The following CFAP221 variants were observed in gnomAD, a reference collection of about 807,000 sequenced individuals.
CFAP221 encodes the protein cilia and flagella associated protein 221.
In CFAP221, 97 loss-of-function variants were observed where a neutral mutation model predicts 113.1. The observed-to-expected ratio is 0.86, with a 90% CI of 0.73 to 1.02. The LOEUF is 1.02. Among genes scored for constraint, CFAP221 ranks in the 50% least tolerant of loss-of-function variants. CFAP221 has a pLI of 0.00. For missense variants in CFAP221, 1,025 were observed against 1,013.4 expected (o/e 1.01, Z -0.16); for synonymous variants, 331 against 354.4 (o/e 0.93, Z 0.74).
At chr2:119,597,671 C>T (rs4849785) in intron 7 of CFAP221, among the ~76,000 whole-genome samples, 148,537 of 152,270 alleles carry the variant, frequency 0.98, 72,558 homozygotes, top group Non-Finnish European at 1. Context: ...AAAACGAAAG[C>T]GTACTCCACA....
intron 8 of CFAP221, chr2:119,602,574 T>A (rs1684440984): frequency 1.9e-5 from 18 of 963,050 alleles, no homozygotes; most frequent in Non-Finnish European, 2.1e-5. Flanking sequence ...CTCCATGATA[T>A]CTTAGATATT....
In CFAP221 at chr2:119,628,620, T is replaced by C. The variant is rs375470646; in HGVS notation, c.1650+834T>C. Among the ~76,000 whole-genome samples the C allele has an allele frequency of 4.5e-4, 68 of 152,366 alleles. No individual in the cohort carries two copies. In the East Asian group the frequency reaches 6.9e-3, roughly 16 times the overall value. On this transcript the variant is annotated intron_variant, in intron 16 of 23. Transcript: ENST00000413369. ...AATAAAAAGTATACTCAAATCAATA[T>C]TGCAAGTGCATGTGCAAAATATTTT...
intron 19 of CFAP221, among the ~76,000 whole-genome samples, chr2:119,637,335 C>T (rs189700255): frequency 5.9e-5 from 9 of 152,252 alleles, no homozygotes; most frequent in Admixed American, 4.6e-4. Context: ...CTTGACTCAC[C>T]ACCGCTGGGC....
At chr2:119,640,986 C>T (rs976312695) in intron 21 of CFAP221, among the ~76,000 whole-genome samples, 3 of 152,106 alleles carry the variant, frequency 2.0e-5, no homozygotes, top group Non-Finnish European at 4.4e-5. Flanking sequence ...AAGAGCTCAC[C>T]CAACTTGTAG....
At chr2:119,604,813 G>C (rs763866162) in intron 9 of CFAP221, 21 bp downstream of exon 9, 1 of 1,594,762 alleles carries the variant, frequency 6.3e-7, no homozygotes, top group Admixed American at 1.8e-5. Context: ...CCTTGTCCTT[G>C]GTGCGATGAA....
Position 119,587,118 on chromosome 2 carries a change from G to T in CFAP221, c.528-1G>T. On this transcript the variant is annotated splice_acceptor_variant, in intron 6 of 23. Transcript: ENST00000413369. LOFTEE classifies it high-confidence loss of function. The stretch of plus-strand genomic sequence containing the variant: ...TATTTTCTTTTTTGTTTGTTTTGCA[G>T]CAAAACTTATGTTATTCCTTTGCAG... The T allele has an allele frequency of 6.7e-7, 1 of 1,496,394 alleles. No homozygotes were observed. Among genetic ancestry groups the T allele is most frequent in the Non-Finnish European group, 8.8e-7 (1 of 1,131,286 alleles). 92.7% of individuals were successfully genotyped at this position (1,496,394 alleles called of 1,614,324 possible).
chr2:119,611,723 T>C lies in CFAP221; in HGVS notation c.1292T>C (p.Val431Ala). Reference sequence around the variant, plus strand: ...AAAACAGAAGTTAGCCATAAACGGGTTGTTCGCAATCAAGAAGAGGTGGGT... The same window carrying C: ...AAAACAGAAGTTAGCCATAAACGGGCTGTTCGCAATCAAGAAGAGGTGGGT... The part of the protein sequence containing the change: ...RLKTEVSHKR[V>A]VRNQEEKIKE... Residue 431 changes from valine (V) to alanine (A), a missense_variant, in exon 13 of 24, where the codon GTT becomes GCT. Physicochemically the swap from Val to Ala is moderately conservative, Grantham distance 64. Transcript: ENST00000413369. The C allele has an allele frequency of 6.2e-7, 1 of 1,613,556 alleles. No individual in the cohort carries two copies. The highest frequency in any genetic ancestry group is 8.5e-7 in the Non-Finnish European group (1 of 1,179,754).
intron 21 of CFAP221, among the ~76,000 whole-genome samples, chr2:119,642,418 C>T (rs1217833688): frequency 6.6e-6 from 1 of 151,922 alleles, no homozygotes; most frequent in South Asian, 2.1e-4. Context: ...CTGGGAAGTC[C>T]GAGATCAAGG....
At chr2:119,604,207 T>C (rs6716953) in intron 8 of CFAP221, among the ~76,000 whole-genome samples, 142,126 of 152,196 alleles carry the variant, frequency 0.93, 66,906 homozygotes, top group South Asian at 0.99. Context: ...AGGCAGAGGC[T>C]GGTGGATCAC....
At chr2:119,630,440 A>G (rs1686685982) in intron 17 of CFAP221, 130 bp from the exon 18 acceptor site, 1 of 684,176 alleles carries the variant, frequency 1.5e-6, no homozygotes, top group Non-Finnish European at 2.5e-6. Flanking sequence ...AATAGCCACA[A>G]TCCGATGACT....
In CFAP221 at chr2:119,638,339, C is replaced by CCCCAAGTA; in HGVS notation, c.2057_2064dup (p.Lys689ProfsTer32). On this transcript the variant is annotated frameshift_variant, in exon 20 of 24. Transcript: ENST00000413369. LOFTEE classifies it high-confidence loss of function. ...TGATAGATTACCATCTATGCTCTCA[C>CCCCAAGTA]CCCAAGTACAAATTCACCAAAGAGT... The CCCCAAGTA allele has an allele frequency of 6.2e-7, 1 of 1,614,108 alleles. No individual in the cohort carries two copies. Among genetic ancestry groups the CCCCAAGTA allele is most frequent in the Non-Finnish European group, 8.5e-7 (1 of 1,179,938 alleles).
intron 15 of CFAP221, among the ~76,000 whole-genome samples, chr2:119,626,734 G>A (rs1001259311): frequency 6.6e-6 from 1 of 152,038 alleles, no homozygotes; most frequent in African/African-American, 2.4e-5. Context: ...AGGAGTTCGA[G>A]ACAAGCCTGG....
At chr2:119,549,630 T>A (rs910847571) in intron 3 of CFAP221, among the ~76,000 whole-genome samples, 1 of 152,218 alleles carries the variant, frequency 6.6e-6, no homozygotes, top group African/African-American at 2.4e-5. Flanking sequence ...TTTCTCCAGA[T>A]CACTCTTGCT....
chr2:119,615,274 C>T (rs970498198), intron 13 of CFAP221, among the ~76,000 whole-genome samples: 1 of 152,200 alleles, frequency 6.6e-6, no homozygotes, highest in Admixed American at 6.5e-5. Context: ...GATCTCACAG[C>T]CCATGCCTTT....
At chr2:119,616,218 G>GTTCATATAACTTATTTCATA (rs1685517497) in intron 14 of CFAP221, among the ~76,000 whole-genome samples, 1 of 152,080 alleles carries the variant, frequency 6.6e-6, no homozygotes, top group East Asian at 1.9e-4. Context: ...ATGGCTTTTG[G>GTTCATATAACTTATTTCATA]TAACTGCTTC....
chr2:119,551,641 C>T (rs1680441678), intron 3 of CFAP221, among the ~76,000 whole-genome samples: 1 of 152,174 alleles, frequency 6.6e-6, no homozygotes, highest in South Asian at 2.1e-4. Flanking sequence ...GAAGTACCAC[C>T]CTTAATTACT....
chr2:119,549,111 A>G lies in CFAP221; in HGVS notation c.166A>G (p.Lys56Glu). The change falls in exon 3 of 24, where the codon AAG (lysine) becomes GAG (glutamate). Residue 56 changes from lysine (K) to glutamate (E), a missense_variant. Coordinates refer to ENST00000413369, the MANE Select transcript of CFAP221 (RefSeq NM_001271049.2). Reference sequence around the variant, plus strand: ...GGTTTATGCAAAACTTGTGAATAATAAGGTCATACAGGCAAGACCTGGCAT... The same window carrying G: ...GGTTTATGCAAAACTTGTGAATAATGAGGTCATACAGGCAAGACCTGGCAT... ...SKVYAKLVNN[K>E]VIQARPGIIH... 1.3e-6 allele frequency: 2 copies of G among 1,532,608 alleles called. No individual in the cohort carries two copies. Among genetic ancestry groups the G allele is most frequent in the Non-Finnish European group, 1.7e-6 (2 of 1,145,892 alleles). The allele number at this position is 1,532,608 out of a possible 1,614,324, so 94.9% of individuals were successfully genotyped here.
chr2:119,547,995 G>C (rs1339950696), intron 2 of CFAP221, among the ~76,000 whole-genome samples: 1 of 152,090 alleles, frequency 6.6e-6, no homozygotes, highest in Non-Finnish European at 1.5e-5. Context: ...AGACGGTGTT[G>C]TTCTGTTGTC....
chr2:119,553,063 C>T (rs887724037), intron 3 of CFAP221, among the ~76,000 whole-genome samples: 1 of 152,124 alleles, frequency 6.6e-6, no homozygotes, highest in Non-Finnish European at 1.5e-5. Flanking sequence ...AGGAGTTTTC[C>T]AAGTAGCAGA....
Sources: gnomAD v4.1 joint callset for allele counts (sites outside exome capture counted in the v4.1 genomes callset) on GRCh38, gnomAD v4.1.1 for gene constraint, MANE v1.5 for transcripts, NCBI Gene and HGNC (gene_info 2026-07-23, HGNC 2026-07-21) for gene names.